DGKG: variants seen among roughly 807,000 people sequenced by gnomAD.
DGKG encodes DAG kinase gamma.
In DGKG, 78 loss-of-function variants were observed where a neutral mutation model predicts 105.3. The observed-to-expected ratio is 0.74, with a 90% CI of 0.62 to 0.89. DGKG has a LOEUF of 0.89. Among genes scored for constraint, DGKG ranks in the 40% least tolerant of loss-of-function variants. The pLI, the probability that DGKG is intolerant of heterozygous loss-of-function variation, is 0.00. For synonymous variants in DGKG, 346 were observed against 367.1 expected, an observed-to-expected ratio of 0.94 and a Z score of 0.66; for missense variants, 958 against 1,020.1, an observed-to-expected ratio of 0.94 and a Z score of 0.83.
intron 17 of DGKG, among the ~76,000 whole-genome samples, chr3:186,257,336 C>A (rs1721528888): frequency 6.6e-6 from 1 of 152,244 alleles, no homozygotes; most frequent in African/African-American, 2.4e-5. Flanking sequence ...AGGCTACCAG[C>A]CTTCTGGCCT....
At chr3:186,273,367 CTTTTTTTTTTTTTTT>C (rs375667915) in intron 10 of DGKG, among the ~76,000 whole-genome samples, 1 of 85,598 alleles carries the variant, frequency 1.2e-5, no homozygotes, top group Admixed American at 1.5e-4. Flanking sequence ...TGTTGTACCC[CTTTTTTTTTTTTTTT>C]TTTTTTTTTT....
At chr3:186,185,824 T>C (rs1391895688) in intron 22 of DGKG, among the ~76,000 whole-genome samples, 1 of 152,106 alleles carries the variant, frequency 6.6e-6, no homozygotes, top group African/African-American at 2.4e-5. Flanking sequence ...AGGCCGGGCA[T>C]GGTTCTTCAC....
chr3:186,309,956 T>C (rs1487273537), intron 2 of DGKG, among the ~76,000 whole-genome samples: 1 of 150,726 alleles, frequency 6.6e-6, no homozygotes, highest in East Asian at 1.9e-4. Context: ...ATCTGATTAA[T>C]AGCCTGAAAT....
rs567828404 is a variant in DGKG at position 186,203,743 on chromosome 3, A to T, written c.1917+8052T>A. ...GATATGTAATCAGGTTGGCCCTCTTATTTTCCACGAACTCAAAATCCCTTC... is the reference window on the plus strand; with the variant it reads ...GATATGTAATCAGGTTGGCCCTCTTTTTTTCCACGAACTCAAAATCCCTTC... On this transcript the variant is annotated intron_variant, in intron 21 of 24. Transcript: ENST00000265022. The surrounding 1 kb of genome is among the most constrained non-coding windows in gnomAD (Gnocchi z 4.9). 9.2e-5 allele frequency among the ~76,000 whole-genome samples: 14 copies of T among 152,244 alleles called. No homozygotes were observed. The East Asian group carries it at 2.7e-3, about 29-fold the overall frequency.
chr3:186,288,812 C>CG lies in DGKG; in HGVS notation c.441dup (p.Val148ArgfsTer32), dbSNP rs1723186361. ...GATTCCGAGCTTGAAGACCGAGGGA[C>CG]GGGGGGTTCCAGGGGGGTCGCAGCC... On this transcript the variant is annotated frameshift_variant, in exon 6 of 25. Coordinates refer to ENST00000265022, the MANE Select transcript of DGKG (RefSeq NM_001346.3). LOFTEE classifies it high-confidence loss of function. 3 of 1,612,252 alleles carry CG rather than the reference C, an allele frequency of 1.9e-6. No individual in the cohort carries two copies. Among genetic ancestry groups the CG allele is most frequent in the Non-Finnish European group, 1.7e-6 (2 of 1,179,012 alleles).
intron 20 of DGKG, among the ~76,000 whole-genome samples, chr3:186,227,889 C>A (rs1719930586): frequency 6.6e-6 from 1 of 152,134 alleles, no homozygotes; most frequent in Non-Finnish European, 1.5e-5. Context: ...CACCAAAATA[C>A]CCTTATGCAA....
At chr3:186,315,741 C>T (rs766261912) in intron 2 of DGKG, among the ~76,000 whole-genome samples, 5 of 152,092 alleles carry the variant, frequency 3.3e-5, no homozygotes, top group East Asian at 1.9e-4. Context: ...GACTCATGAT[C>T]GATATTGTGT....
chr3:186,319,414 C>T (rs1417597537), intron 2 of DGKG, among the ~76,000 whole-genome samples: 11 of 152,146 alleles, frequency 7.2e-5, no homozygotes, highest in Admixed American at 2.0e-4. Flanking sequence ...GACTCCTAGA[C>T]CAGCGCTGGG....
At chr3:186,184,642 C>T (rs192898922) in intron 22 of DGKG, among the ~76,000 whole-genome samples, 51 of 152,216 alleles carry the variant, frequency 3.4e-4, no homozygotes, top group Admixed American at 1.3e-3. Flanking sequence ...TCAAGTGATT[C>T]GCCTGCCTCG....
In DGKG at chr3:186,306,880, T is replaced by C. The variant is rs76296241; in HGVS notation, c.144+21A>G. On this transcript the variant is annotated intron_variant, in intron 3 of 24. Transcript: ENST00000265022. ...AAAAAACACAGGGGTTTTTAAAGGCTTAAAATGGAAATGTTCTTACCTCAT... is the reference window on the plus strand; with the variant it reads ...AAAAAACACAGGGGTTTTTAAAGGCCTAAAATGGAAATGTTCTTACCTCAT... 13,166 of 1,569,822 alleles carry C rather than the reference T, an allele frequency of 8.4e-3. 886 individuals carry two copies. The African/African-American group carries it at 0.15, about 18-fold the overall frequency.
chr3:186,321,187 G>A (rs1560153626), intron 1 of DGKG, among the ~76,000 whole-genome samples: 1 of 152,192 alleles, frequency 6.6e-6, no homozygotes, highest in Non-Finnish European at 1.5e-5. Flanking sequence ...CCATAAAAAG[G>A]GAGTTAGAGG....
intron 6 of DGKG, among the ~76,000 whole-genome samples, chr3:186,286,475 T>G (rs1723075176): frequency 6.6e-6 from 1 of 152,198 alleles, no homozygotes; most frequent in East Asian, 1.9e-4. Flanking sequence ...TTCTTGTGCC[T>G]TCCTTCTAGG....
intron 2 of DGKG, among the ~76,000 whole-genome samples, chr3:186,312,578 A>G (rs1724605125): frequency 6.6e-6 from 1 of 152,220 alleles, no homozygotes; most frequent in Admixed American, 6.5e-5. Context: ...TAGAAAGACC[A>G]TAAGTGGTGG....
intron 20 of DGKG, among the ~76,000 whole-genome samples, chr3:186,232,923 G>A (rs1720223925): frequency 6.6e-6 from 1 of 152,092 alleles, no homozygotes; most frequent in South Asian, 2.1e-4. Flanking sequence ...TTTGTAATAA[G>A]AATATTAATA....
intron 1 of DGKG, among the ~76,000 whole-genome samples, chr3:186,332,495 A>G (rs1314746327): frequency 1.3e-5 from 2 of 152,112 alleles, no homozygotes; most frequent in African/African-American, 2.4e-5. Flanking sequence ...TGAAATTACT[A>G]CCTGGGGAAG....
chr3:186,181,682 G>A (rs1717363965), intron 22 of DGKG, among the ~76,000 whole-genome samples: 2 of 152,170 alleles, frequency 1.3e-5, no homozygotes, highest in Admixed American at 6.5e-5. Context: ...GCAGTGAGCC[G>A]AGACTGCACC....
chr3:186,304,543 T>C (rs1005913893), intron 3 of DGKG, among the ~76,000 whole-genome samples: 1 of 152,126 alleles, frequency 6.6e-6, no homozygotes, highest in African/African-American at 2.4e-5. Context: ...TCTCCCTAAG[T>C]GAATCCTGCA....
chr3:186,280,497 A>G (rs1541612), intron 8 of DGKG, among the ~76,000 whole-genome samples, 173 bp downstream of exon 8: 36,309 of 152,046 alleles, frequency 0.24, 4,505 homozygotes, highest in East Asian at 0.3. Context: ...CCTGCTGCCT[A>G]CATTTTTCCT....
intron 1 of DGKG, among the ~76,000 whole-genome samples, chr3:186,353,634 C>T: frequency 7.3e-6 from 1 of 136,114 alleles, no homozygotes; most frequent in Non-Finnish European, 1.5e-5. Context: ...CTATCTATAT[C>T]TATATCTATA....
Sources: gnomAD v4.1 joint callset for allele counts (sites outside exome capture counted in the v4.1 genomes callset) on GRCh38, gnomAD v4.1.1 for gene constraint, Gnocchi (gnomAD v3.1) non-coding constraint, MANE v1.5 for transcripts, NCBI Gene and HGNC (gene_info 2026-07-23, HGNC 2026-07-21) for gene names.